The following IGF2BP3 variants were observed in gnomAD, a reference collection of about 807,000 sequenced individuals.
The protein encoded by IGF2BP3 is insulin-like growth factor 2 mRNA-binding protein 3.
Under a neutral mutation model 73.8 loss-of-function variants are expected in IGF2BP3, and 9 were observed. That is an observed-to-expected ratio of 0.12 (90% CI 0.07 to 0.21). The LOEUF (loss-of-function observed/expected upper bound fraction) is 0.21. Among genes scored for constraint, IGF2BP3 ranks in the 10% least tolerant of loss-of-function variants. IGF2BP3 has a pLI of 1.00. For missense variants in IGF2BP3, 542 were observed against 714.0 expected, an observed-to-expected ratio of 0.76 and a Z score of 2.75; for synonymous variants, 258 against 256.7, an observed-to-expected ratio of 1.01 and a Z score of -0.05.
chr7:23,400,574 C>T (rs543644601), intron 3 of IGF2BP3, among the ~76,000 whole-genome samples: 1 of 152,296 alleles, frequency 6.6e-6, no homozygotes, highest in South Asian at 2.1e-4. Flanking sequence ...GCACATCCTT[C>T]AATCTGGCTG....
At chr7:23,314,156 T>G (rs1450358454) in intron 12 of IGF2BP3, among the ~76,000 whole-genome samples, 1 of 150,672 alleles carries the variant, frequency 6.6e-6, no homozygotes, top group Non-Finnish European at 1.5e-5. Flanking sequence ...AGTAGCAGAC[T>G]ACAGGCATGC....
intron 2 of IGF2BP3, among the ~76,000 whole-genome samples, chr7:23,432,230 T>C (rs577680405): frequency 2.6e-5 from 4 of 152,352 alleles, no homozygotes; most frequent in South Asian, 2.1e-4. Context: ...GCCATGAGTA[T>C]GCACTAGAAG....
intron 3 of IGF2BP3, among the ~76,000 whole-genome samples, chr7:23,408,006 CATG>C (rs1562733897): frequency 6.7e-6 from 1 of 149,408 alleles, no homozygotes; most frequent in African/African-American, 2.5e-5. Context: ...CTAAAAACTA[CATG>C]ATAATATCAA....
chr7:23,460,178 C>CAAAATA (rs1788412595), intron 2 of IGF2BP3, among the ~76,000 whole-genome samples: 1 of 55,178 alleles, frequency 1.8e-5, no homozygotes, highest in Non-Finnish European at 3.3e-5. Context: ...GACCCTGCCT[C>CAAAATA]AAAAAAAAAA....
In IGF2BP3 at chr7:23,312,132, T is replaced by G; in HGVS notation, c.*230A>C. The G allele has an allele frequency of 2.4e-6, 1 of 422,718 alleles. No homozygotes were observed. The highest frequency in any genetic ancestry group is 4.1e-6 in the Non-Finnish European group (1 of 244,224). 26.2% of individuals were successfully genotyped at this position (422,718 alleles called of 1,614,324 possible). A position where few individuals can be genotyped will look rare whatever the true frequency, so the allele number is the denominator to read the frequency against. ...CTTTCCCTCCCTCCCCCACCCTTTT[T>G]TTGTTTGTTTGTTTGTTTGTTTTAA... On this transcript the variant is annotated 3_prime_UTR_variant, in exon 15 of 15. Transcript: ENST00000258729.
chr7:23,442,343 G>A (rs912388811), intron 2 of IGF2BP3, among the ~76,000 whole-genome samples: 2 of 151,976 alleles, frequency 1.3e-5, no homozygotes, highest in Non-Finnish European at 2.9e-5. Context: ...GTTGTGTAAC[G>A]GATTAATGTC....
intron 10 of IGF2BP3, among the ~76,000 whole-genome samples, chr7:23,326,489 C>T (rs1289231288): frequency 6.6e-6 from 1 of 151,562 alleles, no homozygotes; most frequent in Non-Finnish European, 1.5e-5. Context: ...CTAGTTCAAC[C>T]ATTGTGGAAG....
chr7:23,384,853 T>C (rs1786032522), intron 3 of IGF2BP3, among the ~76,000 whole-genome samples: 1 of 152,004 alleles, frequency 6.6e-6, no homozygotes, highest in Non-Finnish European at 1.5e-5. Flanking sequence ...ATCGTAACAC[T>C]GTACTCCGGC....
chr7:23,310,682 A>T lies in IGF2BP3; in HGVS notation c.*1680T>A, dbSNP rs2128490046. On this transcript the variant is annotated 3_prime_UTR_variant, in exon 15 of 15. Transcript: ENST00000258729. ...AACTACAAAAGAAACTTGTTTTCAGAGAACATTAAGGAAAACACTTTAAAT... is the reference window on the plus strand; with the variant it reads ...AACTACAAAAGAAACTTGTTTTCAGTGAACATTAAGGAAAACACTTTAAAT... 1 of 152,374 alleles carries T rather than the reference A, an allele frequency of 6.6e-6. No homozygotes were observed. Among genetic ancestry groups the T allele is most frequent in the Admixed American group, 6.5e-5 (1 of 15,308 alleles). 9.4% of individuals were successfully genotyped at this position (152,374 alleles called of 1,614,324 possible).
At chr7:23,425,771 C>A (rs560082058) in intron 2 of IGF2BP3, among the ~76,000 whole-genome samples, 1 of 152,076 alleles carries the variant, frequency 6.6e-6, no homozygotes, top group Non-Finnish European at 1.5e-5. Flanking sequence ...ATTTTTTATT[C>A]TCATGCTTTG....
chr7:23,461,794 T>C (rs1303729582), intron 2 of IGF2BP3, among the ~76,000 whole-genome samples: 2 of 152,206 alleles, frequency 1.3e-5, no homozygotes, highest in Non-Finnish European at 2.9e-5. Flanking sequence ...CATACAAAGA[T>C]AGCCACCATC....
chr7:23,349,898 G>C (rs528135711), intron 6 of IGF2BP3, among the ~76,000 whole-genome samples: 58 of 152,290 alleles, frequency 3.8e-4, no homozygotes, highest in Non-Finnish European at 1.5e-4. Flanking sequence ...AGGTAACGGT[G>C]GATCAAGGGA....
intron 2 of IGF2BP3, among the ~76,000 whole-genome samples, chr7:23,457,392 C>T (rs1034459692): frequency 2.6e-5 from 4 of 151,234 alleles, no homozygotes; most frequent in African/African-American, 9.7e-5. Context: ...TTGAACCCGG[C>T]AGGTGGAGGT....
At chr7:23,350,919 T>C (rs1346517776) in intron 6 of IGF2BP3, among the ~76,000 whole-genome samples, 2 of 152,154 alleles carry the variant, frequency 1.3e-5, no homozygotes, top group Non-Finnish European at 2.9e-5. Context: ...ACCACCTCTG[T>C]ATTGAGGCCA....
rs183424484 is a variant in IGF2BP3 at position 23,380,801 on chromosome 7, G to A, written c.286-19060C>T. 1.8e-3 allele frequency among the ~76,000 whole-genome samples: 273 copies of A among 152,340 alleles called. 1 individual carries two copies. Among genetic ancestry groups the A allele is most frequent in the Admixed American group, 2.9e-3 (45 of 15,294 alleles). On this transcript the variant is annotated intron_variant, in intron 3 of 14. Transcript: ENST00000258729. Reference sequence around the variant, plus strand: ...CAAAGGCAGAGACTGGGATGATGCAGCTACAAGCCAAGGAACAGCAAAGAT... The same window carrying A: ...CAAAGGCAGAGACTGGGATGATGCAACTACAAGCCAAGGAACAGCAAAGAT...
intron 3 of IGF2BP3, among the ~76,000 whole-genome samples, chr7:23,378,326 A>T (rs946580228): frequency 6.6e-6 from 1 of 151,048 alleles, no homozygotes; most frequent in Non-Finnish European, 1.5e-5. Context: ...ACAAATATCA[A>T]ATCTGAATTA....
At chr7:23,390,885 G>A (rs563960695) in intron 3 of IGF2BP3, among the ~76,000 whole-genome samples, 16 of 145,012 alleles carry the variant, frequency 1.1e-4, no homozygotes, top group East Asian at 1.1e-3. Flanking sequence ...TGCAACGTCC[G>A]CCTCCTGGGT....
Position 23,313,564 on chromosome 7 carries a change from T to C in IGF2BP3, c.1485A>G (p.Pro495=), listed in dbSNP as rs1001696578. 6 of 1,614,016 alleles carry C rather than the reference T, an allele frequency of 3.7e-6. No homozygotes were observed. The African/African-American group carries it at 8.0e-5, about 22-fold the overall frequency. The change falls in exon 13 of 15, where the codon CCA becomes CCG. Residue 495 remains proline (P), a synonymous_variant. Coordinates refer to ENST00000258729, the MANE Select transcript of IGF2BP3 (RefSeq NM_006547.3). The part of the protein sequence containing the change: ...EVKLEAHIRV[P]SFAAGRVIGK... ...CAATAACTCTGCCAGCAGCAAAGGA[T>C]GGCACTCTGATATGAGCTTCAAGTT...
At chr7:23,318,824 C>A (rs1017286209) in intron 11 of IGF2BP3, among the ~76,000 whole-genome samples, 5 of 152,172 alleles carry the variant, frequency 3.3e-5, no homozygotes, top group African/African-American at 1.2e-4. Context: ...TCCTGGAGCA[C>A]TGAATGGTGT....
Sources: gnomAD v4.1 joint callset for allele counts (sites outside exome capture counted in the v4.1 genomes callset) on GRCh38, gnomAD v4.1.1 for gene constraint, MANE v1.5 for transcripts, NCBI Gene and HGNC (gene_info 2026-07-23, HGNC 2026-07-21) for gene names.